Variants in PAH observed in about 807,000 individuals in gnomAD.
PAH encodes the protein phenylalanine hydroxylase.
In PAH, 64 loss-of-function variants were observed where a neutral mutation model predicts 62.0. The observed-to-expected ratio is 1.03, with a 90% CI of 0.84 to 1.27. The LOEUF (loss-of-function observed/expected upper bound fraction) is 1.27. Among genes scored for constraint, PAH ranks in the 50% most tolerant of loss-of-function variants. PAH has a pLI of 0.00. For synonymous variants in PAH, 195 were observed against 196.2 expected (o/e 0.99, Z 0.05); for missense variants, 579 against 542.8 (o/e 1.07, Z -0.66).
Position 102,894,910 on chromosome 12 carries a change from A to G in PAH, c.177T>C (p.Asp59=), listed in dbSNP as rs768292157. The change falls in exon 3 of 13, where the codon GAT becomes GAC. Residue 59 remains aspartate, a synonymous_variant. Transcript: ENST00000553106. ...AKVLRLFEEN[D]VNLTHIESRP... ...TAGATTCAATGTGGGTCAGGTTTAC[A>G]TCATTCTCCTAGAAGAGAGAATGGG... is the stretch of plus-strand genomic sequence containing the variant. The G allele has an allele frequency of 6.2e-7, 1 of 1,612,938 alleles. No individual in the cohort carries two copies. The highest frequency in any genetic ancestry group is 1.7e-5 in the Admixed American group (1 of 60,024).
intron 5 of PAH, among the ~76,000 whole-genome samples, chr12:102,860,971 G>A (rs1196555099): frequency 1.4e-4 from 21 of 152,152 alleles, no homozygotes; most frequent in African/African-American, 3.4e-4. Context: ...AACAAAAGCC[G>A]AAATTGACAA....
At chr12:102,922,864 T>G (rs1878591678) in intron 1 of PAH, among the ~76,000 whole-genome samples, 1 of 152,212 alleles carries the variant, frequency 6.6e-6, no homozygotes. Context: ...CATGTTGGAA[T>G]GTTTTGATAG....
chr12:102,909,715 T>C (rs1878128218), intron 2 of PAH, among the ~76,000 whole-genome samples: 1 of 152,308 alleles, frequency 6.6e-6, no homozygotes, highest in Admixed American at 6.5e-5. Flanking sequence ...TCCCAGCACT[T>C]TGGGAGGCCA....
chr12:102,947,227 TTGG>T (rs1593005649), intron 1 of PAH, among the ~76,000 whole-genome samples: 2 of 152,156 alleles, frequency 1.3e-5, no homozygotes, highest in East Asian at 3.9e-4. Flanking sequence ...TTGTTAAGAC[TTGG>T]TGGTTGTGGA....
In PAH at chr12:102,868,080, GTGTGTGTGTATATA is replaced by G. The variant is rs1565854807; in HGVS notation, c.442-1431_442-1418del. Among the ~76,000 whole-genome samples the G allele has an allele frequency of 1.7e-4, 8 of 47,760 alleles. 3 individuals carry two copies. Among genetic ancestry groups the G allele is most frequent in the African/African-American group, 6.0e-4 (6 of 10,066 alleles). The allele number at this position is 47,760 out of a possible 152,430, so 31.3% of individuals were successfully genotyped here. Reference sequence around the variant, plus strand: ...TATATACACATATATATACATATATGTGTGTGTGTATATATATATATATACACATATATATACAT... The same window carrying G: ...TATATACACATATATATACATATATGTATATATATACACATATATATACAT... On this transcript the variant is annotated intron_variant, in intron 4 of 12. Transcript: ENST00000553106.
At chr12:102,890,616 G>T (rs1473696554) in intron 3 of PAH, among the ~76,000 whole-genome samples, 2 of 152,134 alleles carry the variant, frequency 1.3e-5, no homozygotes, top group African/African-American at 4.8e-5. Flanking sequence ...TATTTTAAAG[G>T]GTTGGTCTTA....
rs139822049 is a variant in PAH at position 102,947,267 on chromosome 12, T to C, written c.-96+3322A>G. Among the ~76,000 whole-genome samples the C allele has an allele frequency of 4.2e-4, 64 of 152,108 alleles. No individual in the cohort carries two copies. The East Asian group carries it at 0.011, about 27-fold the overall frequency. On this transcript the variant is annotated intron_variant, in intron 1 of 3. Transcript: ENST00000546844. Reference sequence around the variant, plus strand: ...TGCCTGTGAGAGAGTGGTGAGAGTATGGCATGACCCCAGGATTTTGGTTTG... The same window carrying C: ...TGCCTGTGAGAGAGTGGTGAGAGTACGGCATGACCCCAGGATTTTGGTTTG...
At chr12:102,858,381 C>T (rs544780580) in intron 5 of PAH, among the ~76,000 whole-genome samples, 34 of 152,186 alleles carry the variant, frequency 2.2e-4, no homozygotes, top group Admixed American at 5.9e-4. Context: ...GTAATGAGAG[C>T]GTTTAACACC....
intron 6 of PAH, chr12:102,854,930 G>C: frequency 1.6e-6 from 1 of 637,412 alleles, no homozygotes; most frequent in Non-Finnish European, 2.9e-6. Context: ...GTGTTTGATT[G>C]AATGAAAGTG....
At chr12:102,903,396 C>T (rs1436580039) in intron 2 of PAH, among the ~76,000 whole-genome samples, 1 of 118,634 alleles carries the variant, frequency 8.4e-6, no homozygotes, top group Non-Finnish European at 1.6e-5. Flanking sequence ...AAAAAACAAA[C>T]AAAAAAAAAC....
At chr12:102,942,429 CA>C (rs1879327912) in intron 1 of PAH, among the ~76,000 whole-genome samples, 1 of 152,042 alleles carries the variant, frequency 6.6e-6, no homozygotes, top group South Asian at 2.1e-4. Flanking sequence ...ACAACACAAG[CA>C]AATGGAAAAA....
chr12:102,913,891 T>G (rs1037328336), intron 1 of PAH: 2 of 700,254 alleles, frequency 2.9e-6, no homozygotes, highest in Non-Finnish European at 5.2e-6. Context: ...AAATAATACA[T>G]AAAATTCTAT....
chr12:102,884,498 C>A (rs139610140), intron 3 of PAH, among the ~76,000 whole-genome samples: 1 of 152,344 alleles, frequency 6.6e-6, no homozygotes, highest in East Asian at 1.9e-4. Flanking sequence ...TTCCCACCCA[C>A]ACAACATGGA....
rs199475624 is a variant in PAH, at chr12:102,877,464, G to A, written c.439C>T (p.Pro147Ser). 1.9e-6 allele frequency: 3 copies of A among 1,612,070 alleles called. No homozygotes were observed. The highest frequency in any genetic ancestry group is 1.7e-5 in the Admixed American group (1 of 60,020). ...CATCCTACGGGCCATGGACTCACAG[G>A]GTGGTCAGCATCCAGTTCCGCTCCA... is the stretch of plus-strand genomic sequence containing the variant. ...SYGAELDADH[P>S]GFKDPVYRAR... The change falls in exon 4 of 13, where the codon CCT (proline) becomes TCT (serine). Residue 147 changes from proline to serine, a missense_variant and splice_region_variant. Pro to Ser is a moderately conservative substitution (Grantham distance 74). Coordinates refer to ENST00000553106, the MANE Select transcript of PAH (RefSeq NM_000277.3).
chr12:102,917,194 CAG>C lies in PAH; in HGVS notation c.-66_-65del, dbSNP rs997821067. On this transcript the variant is annotated 5_prime_UTR_variant, in exon 1 of 13. Coordinates refer to ENST00000553106, the MANE Select transcript of PAH (RefSeq NM_000277.3). The stretch of plus-strand genomic sequence containing the variant: ...CCTCAGGTACAGGCAGGTTTGCAAA[CAG>C]CACGTGGGGCTGAAGGTTTTAACCT... 28 of 1,445,788 alleles carry C rather than the reference CAG, an allele frequency of 1.9e-5. No individual in the cohort carries two copies. In the Admixed American group the frequency reaches 2.0e-4, roughly 10 times the overall value. 89.6% of individuals were successfully genotyped at this position (1,445,788 alleles called of 1,614,324 possible). A position where few individuals can be genotyped will look rare whatever the true frequency, so the allele number is the denominator to read the frequency against.
intron 8 of PAH, among the ~76,000 whole-genome samples, chr12:102,847,886 T>C (rs1357125068): frequency 2.0e-5 from 3 of 152,186 alleles, no homozygotes; most frequent in African/African-American, 7.2e-5. Flanking sequence ...TTGCATTTCT[T>C]TCCCAAGAAA....
intron 1 of PAH, among the ~76,000 whole-genome samples, chr12:102,936,373 G>A (rs1160155323): frequency 1.3e-5 from 2 of 152,124 alleles, no homozygotes; most frequent in Non-Finnish European, 2.9e-5. Context: ...TGAATGAAAT[G>A]TTCTGTAAAT....
At chr12:102,845,630 T>G (rs61942002) in intron 9 of PAH, among the ~76,000 whole-genome samples, 1 of 152,180 alleles carries the variant, frequency 6.6e-6, no homozygotes, top group Non-Finnish European at 1.5e-5. Context: ...CTGGAGACAG[T>G]CACAGTTTTG....
chr12:102,945,426 T>C (rs944952677), intron 1 of PAH, among the ~76,000 whole-genome samples: 1 of 152,184 alleles, frequency 6.6e-6, no homozygotes, highest in Non-Finnish European at 1.5e-5. Context: ...CTCTTCAACA[T>C]CCAGGTGCCA....
Sources: allele counts gnomAD v4.1 joint callset (sites outside exome capture counted in the v4.1 genomes callset), GRCh38; gene constraint gnomAD v4.1.1; transcripts MANE v1.5; gene names NCBI Gene and HGNC (gene_info 2026-07-23, HGNC 2026-07-21).